The following CFAP92 variants were observed in gnomAD, a reference collection of about 807,000 sequenced individuals.
CFAP92 encodes cilia and flagella associated protein 92 (putative).
Under a neutral mutation model 106.3 loss-of-function variants are expected in CFAP92, and 86 were observed. The observed-to-expected ratio is 0.81, with a 90% CI of 0.68 to 0.97. The LOEUF (loss-of-function observed/expected upper bound fraction) is 0.97, where lower values mean the gene tolerates loss of function less well. Ranked by LOEUF, CFAP92 falls within the 50% of genes least tolerant of loss-of-function variation. CFAP92 has a pLI of 0.00. For missense variants in CFAP92, 1,204 were observed against 1,283.8 expected (o/e 0.94, Z 0.95); for synonymous variants, 477 against 506.4 (o/e 0.94, Z 0.78).
Position 128,913,716 on chromosome 3 carries a change from G to C in CFAP92, c.3280+1403C>G, listed in dbSNP as rs759323516. Among the ~76,000 whole-genome samples, 148 of 152,108 alleles carry C rather than the reference G, an allele frequency of 9.7e-4. 3 individuals are homozygous for C. Among genetic ancestry groups the C allele is most frequent in the Non-Finnish European group, 2.5e-4 (17 of 68,028 alleles). On this transcript the variant is annotated intron_variant, in intron 15 of 15. Coordinates refer to ENST00000645291, the MANE Select transcript of CFAP92 (RefSeq NM_001394090.1). ...GGGCTGGCCTGAGCATTCTGCCAGG[G>C]GTTTGGTAACTAGTTTTTAAAATGG...
chr3:128,990,123 A>G (rs1397201208), intron 2 of CFAP92, among the ~76,000 whole-genome samples: 1 of 152,252 alleles, frequency 6.6e-6, no homozygotes, highest in African/African-American at 2.4e-5. Context: ...ATATCCACCA[A>G]TAAGGGGTAG....
chr3:128,979,400 G>T lies in CFAP92; in HGVS notation c.668-1215C>A, dbSNP rs1343457698. 2.0e-5 allele frequency among the ~76,000 whole-genome samples: 3 copies of T among 152,286 alleles called. No homozygotes were observed. The East Asian group carries it at 5.8e-4, about 29-fold the overall frequency. On this transcript the variant is annotated intron_variant, in intron 4 of 15. Transcript: ENST00000645291. ...GAAGACAGTGTGGCGATTCCTCAGGGATCTAGAACTAGAAATACCATTTGA... is the reference window on the plus strand; with the variant it reads ...GAAGACAGTGTGGCGATTCCTCAGGTATCTAGAACTAGAAATACCATTTGA...
intron 7 of CFAP92, among the ~76,000 whole-genome samples, chr3:128,973,485 T>C (rs879894731): frequency 1.4e-4 from 21 of 151,972 alleles, no homozygotes; most frequent in Admixed American, 4.6e-4. Context: ...GGAGAAACTC[T>C]GTCTCTACTA....
intron 10 of CFAP92, among the ~76,000 whole-genome samples, chr3:128,936,690 G>T (rs549877055): frequency 2.0e-5 from 3 of 152,216 alleles, no homozygotes; most frequent in East Asian, 3.9e-4. Flanking sequence ...GGTTGCCAGT[G>T]CCCCAAATTC....
chr3:129,018,101 T>C, the CFAP92 span, among the ~76,000 whole-genome samples: 3 of 152,246 alleles, frequency 2.0e-5, no homozygotes, highest in African/African-American at 7.2e-5. Context: ...AGCCAGATGC[T>C]TGGTTTCAAT....
rs752817727 is a variant in CFAP92, at chr3:128,993,287, C to G, written c.18G>C (p.Trp6Cys). Residue 6 changes from tryptophan (W) to cysteine (C), a missense_variant, in exon 2 of 16, where the codon TGG becomes TGC. Trp to Cys is a radical substitution (Grantham distance 215). Coordinates refer to ENST00000645291, the MANE Select transcript of CFAP92 (RefSeq NM_001394090.1). ...TGCTTGCGGGGTCCTCTTCCCACTC[C>G]CAGGCATGTAGCGACATGCTGCAGA... MSLHAWEWEEDPASIE... is the reference protein window; with the variant it reads MSLHACEWEEDPASIE... 8 of 1,613,534 alleles carry G rather than the reference C, an allele frequency of 5.0e-6. No homozygotes were observed. The South Asian group carries it at 7.7e-5, about 16-fold the overall frequency.
Position 128,988,807 on chromosome 3 carries a change from G to A in CFAP92, c.374C>T (p.Pro125Leu), listed in dbSNP as rs757373715. 16 of 1,613,544 alleles carry A rather than the reference G, an allele frequency of 9.9e-6. No individual in the cohort carries two copies. Among genetic ancestry groups the A allele is most frequent in the South Asian group, 3.3e-5 (3 of 90,998 alleles). Residue 125 changes from proline to leucine, a missense_variant, in exon 3 of 16, where the codon CCG (proline) becomes CTG (leucine). Coordinates refer to ENST00000645291, the MANE Select transcript of CFAP92 (RefSeq NM_001394090.1). ...AACTTTTTTAGGTTCTTCATCGTCCGGCAGAAGGAAATACTCAATGTGGTA... is the reference window on the plus strand; with the variant it reads ...AACTTTTTTAGGTTCTTCATCGTCCAGCAGAAGGAAATACTCAATGTGGTA... ...RFYHIEYFLL[P>L]DDEEPKKVDI...
chr3:128,951,760 T>C (rs1057249004), intron 9 of CFAP92, among the ~76,000 whole-genome samples: 5 of 152,026 alleles, frequency 3.3e-5, no homozygotes, highest in African/African-American at 1.2e-4. Context: ...ACACACACCA[T>C]GGAAAAAATC....
intron 1 of CFAP92, chr3:129,002,480 GC>G (rs1394050318): frequency 1.7e-5 from 23 of 1,345,330 alleles, no homozygotes; most frequent in Non-Finnish European, 2.1e-5. Context: ...CTTGCATCTT[GC>G]CCCTGTTCCT....
chr3:128,963,146 T>C (rs1312299012), intron 9 of CFAP92, among the ~76,000 whole-genome samples: 2 of 152,180 alleles, frequency 1.3e-5, no homozygotes, highest in Admixed American at 1.3e-4. Flanking sequence ...ATAATTCTCA[T>C]AAAAACACAT....
intron 10 of CFAP92, among the ~76,000 whole-genome samples, chr3:128,941,627 C>T (rs1358097944): frequency 6.6e-6 from 1 of 152,086 alleles, no homozygotes; most frequent in Non-Finnish European, 1.5e-5. Context: ...CAAGCATGTG[C>T]CACCACGCCC....
At chr3:129,000,866 G>A (rs531410997) in intron 1 of CFAP92, among the ~76,000 whole-genome samples, 4 of 152,192 alleles carry the variant, frequency 2.6e-5, no homozygotes, top group South Asian at 4.1e-4. Context: ...CACAGGGCTC[G>A]TCTCAGATGG....
upstream of CFAP92, among the ~76,000 whole-genome samples, chr3:128,994,309 G>A (rs1209218076): frequency 6.6e-6 from 1 of 152,228 alleles, no homozygotes; most frequent in Non-Finnish European, 1.5e-5. Context: ...TACTCGGAAC[G>A]TCAGCACCTA....
the CFAP92 span, among the ~76,000 whole-genome samples, chr3:129,009,018 C>T: frequency 1.6e-5 from 2 of 124,464 alleles, no homozygotes; most frequent in Admixed American, 1.8e-4. Flanking sequence ...GGGTGGGGGG[C>T]GGGGCGGGAA....
chr3:128,956,196 T>TAAATAAAAA (rs1941372225), intron 9 of CFAP92, among the ~76,000 whole-genome samples: 1 of 61,716 alleles, frequency 1.6e-5, no homozygotes, highest in African/African-American at 9.2e-5. Context: ...AAAAAAAAAA[T>TAAATAAAAA]AAAAAAAAAA....
At chr3:128,994,628 G>A (rs1048852444), upstream of CFAP92, among the ~76,000 whole-genome samples, 2 of 152,226 alleles carry the variant, frequency 1.3e-5, no homozygotes, top group Non-Finnish European at 2.9e-5. Flanking sequence ...ACAAAGCTTA[G>A]AGAGGTGAAG....
intron 15 of CFAP92, among the ~76,000 whole-genome samples, chr3:128,913,777 C>T (rs1046500379): frequency 6.6e-6 from 1 of 152,084 alleles, no homozygotes; most frequent in Non-Finnish European, 1.5e-5. Flanking sequence ...TGTAAATAAC[C>T]TCTCAGTGAA....
At chr3:129,002,339 C>A (rs1559952977) in intron 1 of CFAP92, 1 of 1,511,860 alleles carries the variant, frequency 6.6e-7, no homozygotes. Context: ...GCGCCGGCCA[C>A]GAAGGGAGGG....
chr3:128,936,402 A>C (rs1939027818), intron 10 of CFAP92, among the ~76,000 whole-genome samples: 1 of 152,228 alleles, frequency 6.6e-6, no homozygotes, highest in Non-Finnish European at 1.5e-5. Flanking sequence ...CAGACACTGC[A>C]AATAATTTTG....
Sources: allele counts gnomAD v4.1 joint callset (sites outside exome capture counted in the v4.1 genomes callset), GRCh38; gene constraint gnomAD v4.1.1; transcripts MANE v1.5; gene names NCBI Gene and HGNC (gene_info 2026-07-23, HGNC 2026-07-21).